DDB1: variants seen among roughly 807,000 people sequenced by gnomAD.
DDB1 encodes DNA damage-binding protein 1.
A neutral mutation model predicts 133.1 loss-of-function variants in DDB1; 18 were observed. The observed-to-expected ratio is 0.14, with a 90% CI of 0.09 to 0.20. The LOEUF is 0.20. Ranked by LOEUF, DDB1 falls within the 10% of genes least tolerant of loss-of-function variation. The probability of loss-of-function intolerance (pLI) is 1.00; values close to 1 mark genes in which losing one functional copy is unlikely to be tolerated. For missense variants in DDB1, 828 were observed against 1,459.2 expected (o/e 0.57, Z 7.05); for synonymous variants, 580 against 550.5 (o/e 1.05, Z -0.75).
intron 21 of DDB1, among the ~76,000 whole-genome samples, chr11:61,305,256 C>A (rs938870725): frequency 2.6e-5 from 4 of 152,218 alleles, no homozygotes; most frequent in African/African-American, 9.6e-5. Context: ...CGCCTGTAAT[C>A]CCAGCATTTT....
intron 8 of DDB1, 156 bp from the exon 9 acceptor site, chr11:61,322,568 A>T: frequency 3.1e-6 from 2 of 642,784 alleles, no homozygotes; most frequent in Non-Finnish European, 5.5e-6. Flanking sequence ...ACTATTGACG[A>T]AAGAATATGG....
intron 21 of DDB1, among the ~76,000 whole-genome samples, chr11:61,307,443 T>C (rs1283733989): frequency 2.0e-5 from 3 of 152,230 alleles, no homozygotes; most frequent in South Asian, 2.1e-4. Context: ...CTGCTTCAGA[T>C]AACTTTTTCT....
At position 61,321,606 on chromosome 11, in the gene DDB1, G is replaced by C; in HGVS notation, c.1214C>G (p.Pro405Arg). The change falls in exon 10 of 27, where the codon CCA (proline) becomes CGA (arginine). Residue 405 changes from proline to arginine, a missense_variant. Physicochemically the swap from Pro to Arg is moderately radical, Grantham distance 103 (BLOSUM62 -2). Transcript: ENST00000301764. The part of the protein sequence containing the change: ...GIHEHASIDL[P>R]GIKGLWPLRS... ...ACCAAAAAAGCTACCTTTGATGCCTGGTAAGTCAATGCTGGCATGCTCGTG... is the reference window on the plus strand; with the variant it reads ...ACCAAAAAAGCTACCTTTGATGCCTCGTAAGTCAATGCTGGCATGCTCGTG... 1 of 1,613,976 alleles carries C rather than the reference G, an allele frequency of 6.2e-7. No homozygotes were observed. The highest frequency in any genetic ancestry group is 8.5e-7 in the Non-Finnish European group (1 of 1,179,986).
chr11:61,324,157 A>C lies in DDB1; in HGVS notation c.763-20T>G, dbSNP rs773835654. 2 of 1,613,762 alleles carry C rather than the reference A, an allele frequency of 1.2e-6. No individual in the cohort carries two copies. The highest frequency in any genetic ancestry group is 1.7e-6 in the Non-Finnish European group (2 of 1,179,838). On this transcript the variant is annotated intron_variant, in intron 6 of 26. Transcript: ENST00000301764. ...GCTTTGCTGCCAATTGGAAGGAAAC[A>C]GTCATTAGAGATTCAGCATCTTCTA...
chr11:61,328,839 C>T (rs779151064), intron 4 of DDB1, among the ~76,000 whole-genome samples: 27 of 151,900 alleles, frequency 1.8e-4, no homozygotes, highest in Admixed American at 1.3e-4. Flanking sequence ...CATCGCACTC[C>T]GGCCTGGGCA....
In DDB1 at chr11:61,300,078, G is replaced by C. The variant is rs1855766688; in HGVS notation, c.*58C>G. On this transcript the variant is annotated 3_prime_UTR_variant, in exon 27 of 27. Coordinates refer to ENST00000301764, the MANE Select transcript of DDB1 (RefSeq NM_001923.5). ...AAGAAGACGATGGTGGAGAGGAGGG[G>C]GAGGGCAGCAGGGCAAAGCCTTTGG... 5.1e-6 allele frequency: 8 copies of C among 1,557,704 alleles called. No individual in the cohort carries two copies. The highest frequency in any genetic ancestry group is 7.1e-6 in the Non-Finnish European group (8 of 1,130,160).
At position 61,314,439 on chromosome 11, in the gene DDB1, C is replaced by G. The variant is rs766937148; in HGVS notation, c.1458G>C (p.Leu486=). 4 of 1,613,976 alleles carry G rather than the reference C, an allele frequency of 2.5e-6. No individual in the cohort carries two copies. The highest frequency in any genetic ancestry group is 3.4e-6 in the Non-Finnish European group (4 of 1,179,996). Residue 486 remains leucine (L), a synonymous_variant, in exon 13 of 27, where the codon CTG becomes CTC. Coordinates refer to ENST00000301764, the MANE Select transcript of DDB1 (RefSeq NM_001923.5). ...VRLVSQEPKA[L]VSEWKEPQAK... ...CCTGAGGCTCCTTCCATTCACTGACCAGAGCTTTGGGTTCTTGAGAGACCA... is the reference window on the plus strand; with the variant it reads ...CCTGAGGCTCCTTCCATTCACTGACGAGAGCTTTGGGTTCTTGAGAGACCA...
At chr11:61,322,502 A>G in intron 8 of DDB1, 90 bp from the exon 9 acceptor site, 2 of 963,796 alleles carry the variant, frequency 2.1e-6, no homozygotes, top group Non-Finnish European at 1.7e-6. Context: ...GAAACTCTCA[A>G]TAACTAGTTT....
In DDB1 at chr11:61,314,139, G is replaced by A. The variant is rs1201250262; in HGVS notation, c.1661C>T (p.Pro554Leu). 3 of 1,614,098 alleles carry A rather than the reference G, an allele frequency of 1.9e-6. No homozygotes were observed. In the South Asian group the frequency reaches 3.3e-5, roughly 18 times the overall value. ...CGTCCAGAGGCCAATGGCACAAAGA[G>A]GGGACAGTCCATTGCTGTCTCCTAA... ...TPLGDSNGLSPLCAIGLWTDI... is the reference protein window; with the variant it reads ...TPLGDSNGLSLLCAIGLWTDI... Residue 554 changes from proline to leucine, a missense_variant, in exon 14 of 27, where the codon CCT becomes CTT. Physicochemically the swap from Pro to Leu is moderately conservative, Grantham distance 98 (BLOSUM62 -3). Around this residue, in one of 7 missense-constraint regions of DDB1, gnomAD observed 396 missense variants for 554.1 expected, o/e 0.71. Coordinates refer to ENST00000301764, the MANE Select transcript of DDB1 (RefSeq NM_001923.5).
chr11:61,308,851 C>T, intron 21 of DDB1, 132 bp downstream of exon 21: 1 of 858,918 alleles, frequency 1.2e-6, no homozygotes. Flanking sequence ...ACTCAGAGCT[C>T]TATCCTCCAC....
chr11:61,312,220 C>T lies in DDB1; in HGVS notation c.2070-136G>A, dbSNP rs149364492. ...CCATGCTAAACATCACCTGGAGAGACAGACAATTCTGATTCCTGGTCCCAT... is the reference window on the plus strand; with the variant it reads ...CCATGCTAAACATCACCTGGAGAGATAGACAATTCTGATTCCTGGTCCCAT... On this transcript the variant is annotated intron_variant, in intron 16 of 26. Coordinates refer to ENST00000301764, the MANE Select transcript of DDB1 (RefSeq NM_001923.5). 5.9e-5 allele frequency: 42 copies of T among 713,908 alleles called. No individual in the cohort carries two copies. In the African/African-American group the frequency reaches 6.9e-4, roughly 12 times the overall value. 44.2% of individuals were successfully genotyped at this position (713,908 alleles called of 1,614,324 possible).
At chr11:61,323,506 G>A (rs1158211701) in intron 7 of DDB1, 2 of 242,384 alleles carry the variant, frequency 8.3e-6, no homozygotes, top group East Asian at 1.0e-4. Context: ...CGACCTCCCC[G>A]GGCTAAGGTG....
chr11:61,326,952 A>G, intron 4 of DDB1, 59 bp from the exon 5 acceptor site: 2 of 1,257,410 alleles, frequency 1.6e-6, no homozygotes, highest in Non-Finnish European at 2.3e-6. Context: ...GGCTAGAGAG[A>G]GGTGCTGTAA....
chr11:61,323,053 A>T lies in DDB1; in HGVS notation c.963T>A (p.Val321=). 6.2e-7 allele frequency: 1 copy of T among 1,614,088 alleles called. No homozygotes were observed. The highest frequency in any genetic ancestry group is 8.5e-7 in the Non-Finnish European group (1 of 1,180,012). The change falls in exon 8 of 27, where the codon GTT becomes GTA. Residue 321 remains valine, a synonymous_variant. Transcript: ENST00000301764. ...AECLTYLDNG[V]VFVGSRLGDS... ...CACCCAGGCGAGACCCGACAAACAC[A>T]ACACCATTATCAAGGTATGTCAAGC...
At chr11:61,319,518 G>A (rs1272683326) in intron 10 of DDB1, among the ~76,000 whole-genome samples, 9 of 151,268 alleles carry the variant, frequency 5.9e-5, no homozygotes, top group African/African-American at 1.9e-4. Context: ...TGCAACCTCC[G>A]CCTCCTGGGT....
In DDB1 at chr11:61,311,903, A is replaced by C. The variant is rs1330032474; in HGVS notation, c.2166-8T>G. The C allele has an allele frequency of 1.2e-6, 2 of 1,614,164 alleles. No homozygotes were observed. The highest frequency in any genetic ancestry group is 1.1e-5 in the South Asian group (1 of 91,088). On this transcript the variant is annotated splice_region_variant and splice_polypyrimidine_tract_variant and intron_variant, in intron 17 of 26. Coordinates refer to ENST00000301764, the MANE Select transcript of DDB1 (RefSeq NM_001923.5). ...TCCTGGTAGCAGATCTTCCTGCAGA[A>C]CAAGTACAGAACAACAGTGTCACTT...
intron 21 of DDB1, among the ~76,000 whole-genome samples, chr11:61,305,235 G>A (rs1211878713): frequency 1.3e-5 from 2 of 152,362 alleles, no homozygotes; most frequent in Middle Eastern, 3.4e-3. Context: ...TTGGCGGGGC[G>A]CAGTGGCTTA....
intron 21 of DDB1, 110 bp downstream of exon 21, chr11:61,308,873 T>C (rs1158055207): frequency 9.4e-7 from 1 of 1,067,544 alleles, no homozygotes; most frequent in Admixed American, 1.8e-5. Context: ...CCCGCTACTT[T>C]GTTCTCCTTC....
chr11:61,332,699 AC>A (rs1856417953), intron 1 of DDB1: 1 of 429,786 alleles, frequency 2.3e-6, no homozygotes, highest in Non-Finnish European at 4.1e-6. Context: ...ACGAAAGGGG[AC>A]CCTCGAGAGC....
Sources: allele counts gnomAD v4.1 joint callset (sites outside exome capture counted in the v4.1 genomes callset), GRCh38; gene constraint gnomAD v4.1.1; regional missense constraint gnomAD v4.1.1; transcripts MANE v1.5; gene names NCBI Gene and HGNC (gene_info 2026-07-23, HGNC 2026-07-21).